GTF3C1: variants seen among roughly 807,000 people sequenced by gnomAD.
GTF3C1 encodes the protein general transcription factor IIIC subunit 1, also known as general transcription factor 3C polypeptide 1.
In GTF3C1, 57 loss-of-function variants were observed where a neutral mutation model predicts 226.7. The observed-to-expected ratio is 0.25, with a 90% confidence interval of 0.20 to 0.31. The LOEUF (loss-of-function observed/expected upper bound fraction) is 0.31. Ranked by LOEUF, GTF3C1 falls within the 10% of genes least tolerant of loss-of-function variation. The probability of loss-of-function intolerance (pLI) is 1.00; values close to 1 mark genes in which losing one functional copy is unlikely to be tolerated. For missense variants in GTF3C1, 2,217 were observed against 2,776.1 expected, an observed-to-expected ratio of 0.80 and a Z score of 4.53; for synonymous variants, 1,090 against 1,084.8, an observed-to-expected ratio of 1.00 and a Z score of -0.09.
chr16:27,530,445 A>G (rs2088898870), intron 5 of GTF3C1, among the ~76,000 whole-genome samples: 1 of 152,160 alleles, frequency 6.6e-6, no homozygotes, highest in South Asian at 2.1e-4. Context: ...GCTGCCATCA[A>G]CGACGTGCAC....
intron 32 of GTF3C1, chr16:27,466,348 C>G (rs889918623): frequency 6.6e-6 from 1 of 152,188 alleles, no homozygotes; most frequent in Non-Finnish European, 1.5e-5. Flanking sequence ...GACCTGTGAT[C>G]AGTGATCTTT....
chr16:27,512,680 TAAC>T (rs1468059029), intron 6 of GTF3C1, among the ~76,000 whole-genome samples: 2 of 152,038 alleles, frequency 1.3e-5, no homozygotes, highest in Non-Finnish European at 1.5e-5. Context: ...GCGAAAAAAA[TAAC>T]AAACTTGTGC....
At chr16:27,479,507 T>C (rs1449265109) in intron 27 of GTF3C1, among the ~76,000 whole-genome samples, 1 of 152,156 alleles carries the variant, frequency 6.6e-6, no homozygotes, top group Non-Finnish European at 1.5e-5. Context: ...CTCTTATAAT[T>C]TAGTGCCAAG....
chr16:27,488,298 C>G lies in GTF3C1; in HGVS notation c.3629G>C (p.Arg1210Thr). 1 of 1,614,240 alleles carries G rather than the reference C, an allele frequency of 6.2e-7. No homozygotes were observed. Among genetic ancestry groups the G allele is most frequent in the Admixed American group, 1.7e-5 (1 of 60,030 alleles). The stretch of plus-strand genomic sequence containing the variant: ...CTTCCGCTTCTGGCTTTTCCCACCC[C>G]TCACTCTCCGGTTTCGGTCCAGCGA... ...EPSLDRNRRVRGGKSQKRKRL... is the reference protein window; with the variant it reads ...EPSLDRNRRVTGGKSQKRKRL... Residue 1210 changes from arginine to threonine, a missense_variant, in exon 23 of 37, where the codon AGG becomes ACG. Arg to Thr is a moderately conservative substitution (Grantham distance 71). Coordinates refer to ENST00000356183, the MANE Select transcript of GTF3C1 (RefSeq NM_001520.4).
chr16:27,513,087 G>A (rs561762901), intron 6 of GTF3C1, among the ~76,000 whole-genome samples: 2 of 152,182 alleles, frequency 1.3e-5, no homozygotes, highest in Non-Finnish European at 2.9e-5. Context: ...GAGGGTCACT[G>A]TTGCCAGGGT....
chr16:27,548,823 G>C (rs1165021347), intron 1 of GTF3C1, among the ~76,000 whole-genome samples: 3 of 152,194 alleles, frequency 2.0e-5, no homozygotes, highest in African/African-American at 7.2e-5. Context: ...AGGATCAAGT[G>C]AGTTTAAGCT....
At chr16:27,511,362 C>T (rs958040240) in intron 7 of GTF3C1, among the ~76,000 whole-genome samples, 4 of 152,238 alleles carry the variant, frequency 2.6e-5, no homozygotes, top group African/African-American at 9.6e-5. Flanking sequence ...CTAGTTCTGA[C>T]GCTTCCCTGG....
chr16:27,483,535 T>TA, intron 25 of GTF3C1: 5 of 457,182 alleles, frequency 1.1e-5, no homozygotes, highest in South Asian at 7.8e-5. Flanking sequence ...TCCACTCCAC[T>TA]AACCTTCACA....
chr16:27,477,580 C>T (rs2087970524), intron 28 of GTF3C1, among the ~76,000 whole-genome samples: 1 of 152,260 alleles, frequency 6.6e-6, no homozygotes, highest in African/African-American at 2.4e-5. Flanking sequence ...GCTGGGATTA[C>T]AGGCGTGAGG....
At chr16:27,542,794 C>T (rs1014417289) in intron 2 of GTF3C1, among the ~76,000 whole-genome samples, 3 of 152,174 alleles carry the variant, frequency 2.0e-5, no homozygotes, top group Admixed American at 6.5e-5. Context: ...CACTGTCCCT[C>T]GGACCTTCCA....
chr16:27,493,527 CTGCTGGTAGGCATAGAAAT>C, intron 16 of GTF3C1, among the ~76,000 whole-genome samples: 1 of 152,344 alleles, frequency 6.6e-6, no homozygotes, highest in South Asian at 2.1e-4. Context: ...CCCTCATACC[CTGCTGGTAGGCATAGAAAT>C]TGCTAAACCT....
intron 14 of GTF3C1, among the ~76,000 whole-genome samples, chr16:27,496,562 C>T (rs2088320280): frequency 6.6e-6 from 1 of 152,128 alleles, no homozygotes; most frequent in Non-Finnish European, 1.5e-5. Context: ...GTAGGCACCA[C>T]ACCCAGCTAA....
At chr16:27,528,519 G>C in intron 6 of GTF3C1, 79 bp downstream of exon 6, 1 of 1,004,450 alleles carries the variant, frequency 1.0e-6, no homozygotes, top group African/African-American at 1.6e-5. Context: ...AATGTGATCA[G>C]AGAGAGAGAG....
At chr16:27,475,978 C>T (rs2087945148) in intron 29 of GTF3C1, among the ~76,000 whole-genome samples, 1 of 152,170 alleles carries the variant, frequency 6.6e-6, no homozygotes, top group Non-Finnish European at 1.5e-5. Flanking sequence ...TAGATCCCAT[C>T]CCCATGCTTT....
Position 27,470,047 on chromosome 16 carries a change from C to G in GTF3C1, c.4814+61G>C. On this transcript the variant is annotated intron_variant, in intron 31 of 36. Coordinates refer to ENST00000356183, the MANE Select transcript of GTF3C1 (RefSeq NM_001520.4). The surrounding 1 kb of genome is among the most constrained non-coding windows in gnomAD (Gnocchi z 4.9). ...GAAGGCACTGCTGACCCCTGCCCGT[C>G]TGTATCTGGCCAATGCCTAGCACGT... 2 of 1,380,022 alleles carry G rather than the reference C, an allele frequency of 1.4e-6. No homozygotes were observed. The highest frequency in any genetic ancestry group is 2.0e-6 in the Non-Finnish European group (2 of 992,592). The allele number at this position is 1,380,022 out of a possible 1,614,324, so 85.5% of individuals were successfully genotyped here. A position where few individuals can be genotyped will look rare whatever the true frequency, so the allele number is the denominator to read the frequency against.
chr16:27,473,899 A>C (rs1418458596), intron 29 of GTF3C1, among the ~76,000 whole-genome samples: 1 of 151,950 alleles, frequency 6.6e-6, no homozygotes, highest in Non-Finnish European at 1.5e-5. Flanking sequence ...GCTGCATCTC[A>C]CTCCTTGTGA....
chr16:27,527,105 G>A (rs925182527), intron 6 of GTF3C1, among the ~76,000 whole-genome samples: 1 of 152,226 alleles, frequency 6.6e-6, no homozygotes, highest in Non-Finnish European at 1.5e-5. Flanking sequence ...TACTCATGAG[G>A]CTGAGGCAAG....
chr16:27,497,874 G>A (rs998130047), intron 13 of GTF3C1, 53 bp from the exon 14 acceptor site: 2 of 1,436,814 alleles, frequency 1.4e-6, no homozygotes, highest in Admixed American at 1.9e-5. Flanking sequence ...AGGGCTAAGA[G>A]AAAGGACAGA....
chr16:27,538,337 T>C lies in GTF3C1; in HGVS notation c.451A>G (p.Ile151Val). Residue 151 changes from isoleucine to valine, a missense_variant, in exon 3 of 37, where the codon ATC (isoleucine) becomes GTC (valine). Around this residue, in one of 12 missense-constraint regions of GTF3C1, gnomAD observed 192 missense variants for 251.8 expected, o/e 0.76. Transcript: ENST00000356183. ...TACCGCATGGCCTGGGAGGCAACGA[T>C]GATCAGTTTCTTCCCCCACCTGCAA... ...AFDRWGKKLI[I>V]VASQAMRYRA... is the part of the protein sequence containing the mutation. 2 of 1,555,590 alleles carry C rather than the reference T, an allele frequency of 1.3e-6. No homozygotes were observed. Among genetic ancestry groups the C allele is most frequent in the Middle Eastern group, 1.7e-4 (1 of 5,814 alleles).
Sources: allele counts gnomAD v4.1 joint callset (sites outside exome capture counted in the v4.1 genomes callset), GRCh38; gene constraint gnomAD v4.1.1; regional missense constraint gnomAD v4.1.1; non-coding constraint Gnocchi (gnomAD v3.1); transcripts MANE v1.5; gene names NCBI Gene and HGNC (gene_info 2026-07-23, HGNC 2026-07-21).